The following SDK2 variants were observed in gnomAD, a reference collection of about 807,000 sequenced individuals.
SDK2 encodes the protein sidekick cell adhesion molecule 2, also known as protein sidekick-2.
A neutral mutation model predicts 253.9 loss-of-function variants in SDK2; 105 were observed. The ratio of observed to expected loss-of-function variants is 0.41; its 90% CI spans 0.35 to 0.49. The LOEUF (loss-of-function observed/expected upper bound fraction) is 0.49. SDK2 is among the 20% of genes least tolerant of loss of function. The probability of loss-of-function intolerance (pLI) is 0.06; values close to 1 mark genes in which losing one functional copy is unlikely to be tolerated. For missense variants in SDK2, 2,608 were observed against 3,003.0 expected (o/e 0.87, Z 3.07); for synonymous variants, 1,249 against 1,234.9 (o/e 1.01, Z -0.24).
At chr17:73,426,534 T>C (rs1336644611) in intron 12 of SDK2, among the ~76,000 whole-genome samples, 2 of 152,180 alleles carry the variant, frequency 1.3e-5, no homozygotes, top group South Asian at 2.1e-4. Context: ...AGCTCCTTGG[T>C]TTCTAATATT....
intron 5 of SDK2, among the ~76,000 whole-genome samples, chr17:73,445,009 A>G (rs1035843741): frequency 3.3e-5 from 5 of 152,240 alleles, no homozygotes; most frequent in African/African-American, 1.2e-4. Flanking sequence ...TGGATCCCCA[A>G]TTCAGTTATT....
chr17:73,511,675 C>T lies in SDK2; in HGVS notation c.65-4078G>A, dbSNP rs1445596707. 6.6e-6 allele frequency among the ~76,000 whole-genome samples: 1 copy of T among 152,152 alleles called. No individual in the cohort carries two copies. The highest frequency in any genetic ancestry group is 1.5e-5 in the Non-Finnish European group (1 of 68,010). ...CCAAGCTCCTGCGGTGAAGTCACCC[C>T]CTCCCGAAAGTCAACCTGCCCCCTG... On this transcript the variant is annotated intron_variant, in intron 1 of 44. Coordinates refer to ENST00000392650, the MANE Select transcript of SDK2 (RefSeq NM_001144952.2). The surrounding 1 kb of genome is among the most constrained non-coding windows in gnomAD (Gnocchi z 4.9).
intron 1 of SDK2, among the ~76,000 whole-genome samples, chr17:73,537,402 C>T (rs1453943517): frequency 6.6e-6 from 1 of 152,178 alleles, no homozygotes; most frequent in Non-Finnish European, 1.5e-5. Flanking sequence ...ACTCCAGCCT[C>T]CTCTGCCTTC....
chr17:73,549,778 G>A (rs993509862), intron 1 of SDK2, among the ~76,000 whole-genome samples: 1 of 152,144 alleles, frequency 6.6e-6, no homozygotes, highest in Non-Finnish European at 1.5e-5. Flanking sequence ...AGAGGGGTGA[G>A]AGCGGGGCTC....
rs531038577 is a variant in SDK2 at position 73,424,086 on chromosome 17, G to T, written c.1590C>A (p.Ile530=). The change falls in exon 13 of 45, where the codon ATC becomes ATA. Residue 530 remains isoleucine (I), a synonymous_variant. Transcript: ENST00000392650. ...CCAGGGTGGCCCCGTCCTTCTCCCA[G>T]ATGTACCTAAAAGTAAGAAGAACCC... ...THDPRVTIRY[I]WEKDGATLGT... is the part of the protein sequence containing the mutation. 4.3e-6 allele frequency: 7 copies of T among 1,611,436 alleles called. No individual in the cohort carries two copies. In the South Asian group the frequency reaches 6.6e-5, roughly 15 times the overall value.
At chr17:73,575,530 A>T (rs2045446393) in intron 1 of SDK2, among the ~76,000 whole-genome samples, 1 of 152,234 alleles carries the variant, frequency 6.6e-6, no homozygotes, top group African/African-American at 2.4e-5. Flanking sequence ...CTTGCTAGCC[A>T]TGACCTGGGG....
chr17:73,348,846 C>G (rs1243568340), intron 43 of SDK2, 121 bp from the exon 44 acceptor site: 1 of 784,600 alleles, frequency 1.3e-6, no homozygotes, highest in African/African-American at 1.7e-5. Flanking sequence ...TGCTCCTCCT[C>G]CTTCCTGGGT....
chr17:73,379,098 C>A lies in SDK2; in HGVS notation c.4980+79G>T, dbSNP rs2062808773. Reference sequence around the variant, plus strand: ...GGAGGGCCTGGGGACCTGCCTGCCTCCCACATATCACTCACTCCCCAGCCT... The same window carrying A: ...GGAGGGCCTGGGGACCTGCCTGCCTACCACATATCACTCACTCCCCAGCCT... On this transcript the variant is annotated intron_variant, in intron 36 of 44. Transcript: ENST00000392650. This position sits in a 1 kb window ranked among gnomAD's most constrained non-coding sequence, Gnocchi z 4.5. The A allele has an allele frequency of 9.2e-7, 1 of 1,087,094 alleles. No homozygotes were observed. Among genetic ancestry groups the A allele is most frequent in the Admixed American group, 2.1e-5 (1 of 47,834 alleles). The allele number at this position is 1,087,094 out of a possible 1,614,324, so 67.3% of individuals were successfully genotyped here. A position where few individuals can be genotyped will look rare whatever the true frequency, so the allele number is the denominator to read the frequency against.
intron 1 of SDK2, among the ~76,000 whole-genome samples, chr17:73,509,693 G>A (rs1313796602): frequency 1.3e-5 from 2 of 150,470 alleles, no homozygotes; most frequent in Non-Finnish European, 3.0e-5. Flanking sequence ...GAGATCAGGA[G>A]TAACACGGTG....
intron 29 of SDK2, among the ~76,000 whole-genome samples, chr17:73,388,754 T>C (rs1318836056): frequency 1.5e-4 from 10 of 68,676 alleles, no homozygotes; most frequent in Non-Finnish European, 2.7e-4. Context: ...CCCTCCCTCC[T>C]TCCTTCCTTC....
chr17:73,615,894 T>C (rs2046047841), intron 1 of SDK2, among the ~76,000 whole-genome samples: 1 of 152,134 alleles, frequency 6.6e-6, no homozygotes, highest in Non-Finnish European at 1.5e-5. Context: ...CATTCACACA[T>C]ACATATATGT....
In SDK2 at chr17:73,629,812, G is replaced by A. The variant is rs2046246446; in HGVS notation, c.64+14213C>T. 6.6e-6 allele frequency among the ~76,000 whole-genome samples: 1 copy of A among 152,186 alleles called. No individual in the cohort carries two copies. Among genetic ancestry groups the A allele is most frequent in the Non-Finnish European group, 1.5e-5 (1 of 68,048 alleles). On this transcript the variant is annotated intron_variant, in intron 1 of 44. Coordinates refer to ENST00000392650, the MANE Select transcript of SDK2 (RefSeq NM_001144952.2). The surrounding 1 kb of genome is among the most constrained non-coding windows in gnomAD (Gnocchi z 5.0). ...CTTAGTAAGTGCATGAGAAGCAAAA[G>A]AGGTTCATGGTTTTGGTTATCCATT... is the stretch of plus-strand genomic sequence containing the variant.
chr17:73,358,743 C>A (rs1476042279), intron 39 of SDK2, among the ~76,000 whole-genome samples: 1 of 152,096 alleles, frequency 6.6e-6, no homozygotes, highest in African/African-American at 2.4e-5. Flanking sequence ...TCATTCCTGC[C>A]TAAAATCCCC....
At chr17:73,536,014 A>G (rs1213778211) in intron 1 of SDK2, among the ~76,000 whole-genome samples, 1 of 152,176 alleles carries the variant, frequency 6.6e-6, no homozygotes. Context: ...CACACATCTT[A>G]GAAACTCTTA....
chr17:73,530,921 C>T (rs1160864329), intron 1 of SDK2, among the ~76,000 whole-genome samples: 1 of 152,138 alleles, frequency 6.6e-6, no homozygotes, highest in Non-Finnish European at 1.5e-5. Flanking sequence ...AATCACCAGC[C>T]CTAGGGAGGC....
chr17:73,440,962 A>G, intron 5 of SDK2, 39 bp from the exon 6 acceptor site: 1 of 1,428,486 alleles, frequency 7.0e-7, no homozygotes. Flanking sequence ...GCGAGGCTGG[A>G]AATCCTATCC....
At chr17:73,504,719 A>AG (rs1415140510) in intron 2 of SDK2, among the ~76,000 whole-genome samples, 1 of 93,224 alleles carries the variant, frequency 1.1e-5, no homozygotes, top group African/African-American at 3.4e-5. Flanking sequence ...GCCCTGCAGG[A>AG]GAAAAAAAAG....
At chr17:73,581,236 C>A (rs548707995) in intron 1 of SDK2, among the ~76,000 whole-genome samples, 1 of 152,222 alleles carries the variant, frequency 6.6e-6, no homozygotes, top group Admixed American at 6.5e-5. Context: ...CCTTTAACAG[C>A]ACTTTTGCTG....
chr17:73,490,523 G>GTTTTTTT (rs1194044828), intron 2 of SDK2, among the ~76,000 whole-genome samples: 1 of 101,656 alleles, frequency 9.8e-6, no homozygotes. Context: ...GCCAGGCAGT[G>GTTTTTTT]TTTTTTTTTT....
Sources: allele counts gnomAD v4.1 joint callset (sites outside exome capture counted in the v4.1 genomes callset), GRCh38; gene constraint gnomAD v4.1.1; non-coding constraint Gnocchi (gnomAD v3.1); transcripts MANE v1.5; gene names NCBI Gene and HGNC (gene_info 2026-07-23, HGNC 2026-07-21).